The following OTOF variants were observed in gnomAD, a reference collection of about 807,000 sequenced individuals.
OTOF encodes otoferlin.
In OTOF, 218 loss-of-function variants were observed where a neutral mutation model predicts 236.8. The ratio of observed to expected loss-of-function variants is 0.92; its 90% CI spans 0.82 to 1.03. The LOEUF (loss-of-function observed/expected upper bound fraction) is 1.03. OTOF is among the 50% of genes least tolerant of loss of function. The pLI, the probability that OTOF is intolerant of heterozygous loss-of-function variation, is 0.00. For synonymous variants in OTOF, 1,041 were observed against 1,072.5 expected, an observed-to-expected ratio of 0.97 and a Z score of 0.57; for missense variants, 2,590 against 2,694.4, an observed-to-expected ratio of 0.96 and a Z score of 0.86.
chr2:26,476,327 G>T lies in OTOF; in HGVS notation c.2677-10C>A. On this transcript the variant is annotated splice_polypyrimidine_tract_variant and intron_variant, in intron 22 of 46. Transcript: ENST00000272371. The stretch of plus-strand genomic sequence containing the variant: ...CCCGCTTCCCTGGCAGCTGGGGGTG[G>T]GCATGGGGTCACCAGGAGCCTGACG... The T allele has an allele frequency of 6.2e-7, 1 of 1,600,662 alleles. No individual in the cohort carries two copies. The highest frequency in any genetic ancestry group is 8.5e-7 in the Non-Finnish European group (1 of 1,179,448).
intron 11 of OTOF, 59 bp downstream of exon 11, chr2:26,489,152 T>A: frequency 8.1e-7 from 1 of 1,239,348 alleles, no homozygotes; most frequent in South Asian, 1.3e-5. Flanking sequence ...AAGGGCCCCG[T>A]GCACCACGCT....
chr2:26,477,561 AT>A lies in OTOF; in HGVS notation c.2316-56del, dbSNP rs1432912414. 19 of 1,595,650 alleles carry A rather than the reference AT, an allele frequency of 1.2e-5. No individual in the cohort carries two copies. The highest frequency in any genetic ancestry group is 1.6e-5 in the Non-Finnish European group (19 of 1,169,342). On this transcript the variant is annotated intron_variant, in intron 19 of 46. Transcript: ENST00000272371. This position sits in a 1 kb window ranked among gnomAD's most constrained non-coding sequence, Gnocchi z 4.7. ...AGCCTGACCAGCAGGGGCTCTGTAGATTCTTCCTCATCTGCCCAGCCCTGGC... is the reference window on the plus strand; with the variant it reads ...AGCCTGACCAGCAGGGGCTCTGTAGATCTTCCTCATCTGCCCAGCCCTGGC...
chr2:26,494,461 C>T (rs765906321), intron 9 of OTOF, among the ~76,000 whole-genome samples: 2 of 152,250 alleles, frequency 1.3e-5, no homozygotes, highest in African/African-American at 2.4e-5. Context: ...TCAGAAGTCT[C>T]ACTGTCCCCT....
rs549034662 is a variant in OTOF, at chr2:26,461,555, G to A, written c.5533+141C>T. 235 of 1,179,634 alleles carry A rather than the reference G, an allele frequency of 2.0e-4. 1 individual carries two copies. The highest frequency in any genetic ancestry group is 1.4e-3 in the South Asian group (104 of 76,806). The allele number at this position is 1,179,634 out of a possible 1,614,324, so 73.1% of individuals were successfully genotyped here. Reference sequence around the variant, plus strand: ...GGTGGGTCCTTGGGGGCGGAACCCCGTCGGACACCCCTGGCTCTGATGGAC... The same window carrying A: ...GGTGGGTCCTTGGGGGCGGAACCCCATCGGACACCCCTGGCTCTGATGGAC... On this transcript the variant is annotated intron_variant, in intron 43 of 46. Transcript: ENST00000272371. This position sits in a 1 kb window ranked among gnomAD's most constrained non-coding sequence, Gnocchi z 6.2.
intron 1 of OTOF, among the ~76,000 whole-genome samples, chr2:26,538,933 C>T (rs1667143973): frequency 6.6e-6 from 1 of 151,880 alleles, no homozygotes; most frequent in Non-Finnish European, 1.5e-5. Context: ...CCTGCCTCAG[C>T]CTCCTGAGTA....
intron 35 of OTOF, 33 bp downstream of exon 35, chr2:26,467,066 G>T: frequency 6.2e-7 from 1 of 1,610,180 alleles, no homozygotes; most frequent in Non-Finnish European, 8.5e-7. Context: ...GGGCTGGCGG[G>T]TGCTCAGGCT....
intron 9 of OTOF, among the ~76,000 whole-genome samples, chr2:26,491,551 G>A (rs1486662332): frequency 6.6e-6 from 1 of 152,176 alleles, no homozygotes; most frequent in Non-Finnish European, 1.5e-5. Flanking sequence ...CAAAGACAGA[G>A]TTGGGCTGTG....
At chr2:26,546,853 T>C (rs942623722) in intron 1 of OTOF, among the ~76,000 whole-genome samples, 15 of 152,114 alleles carry the variant, frequency 9.9e-5, no homozygotes, top group African/African-American at 3.4e-4. Flanking sequence ...ATTAATCATA[T>C]ATCCTGAAAA....
chr2:26,468,887 C>T lies in OTOF; in HGVS notation c.4024-413G>A, dbSNP rs1293754487. On this transcript the variant is annotated intron_variant, in intron 32 of 46. Transcript: ENST00000272371. ...TGGACACAGGGAGGGGAACATCACACACCGGGGCCTGTGGTGGTGCTGGGG... is the reference window on the plus strand; with the variant it reads ...TGGACACAGGGAGGGGAACATCACATACCGGGGCCTGTGGTGGTGCTGGGG... Among the ~76,000 whole-genome samples the T allele has an allele frequency of 3.9e-5, 6 of 152,028 alleles. No individual in the cohort carries two copies. In the South Asian group the frequency reaches 6.2e-4, roughly 16 times the overall value.
chr2:26,483,875 T>C (rs1301509540), intron 12 of OTOF, among the ~76,000 whole-genome samples: 1 of 152,242 alleles, frequency 6.6e-6, no homozygotes, highest in South Asian at 2.1e-4. Context: ...GCTGTAATAA[T>C]ACCCACCTCC....
rs578007965 is a variant in OTOF at position 26,530,943 on chromosome 2, A to G, written c.139-3023T>C. Among the ~76,000 whole-genome samples the G allele has an allele frequency of 4.6e-5, 7 of 152,034 alleles. No homozygotes were observed. The East Asian group carries it at 1.4e-3, about 29-fold the overall frequency. ...GACTCAGGGTCTGGGACTGGGGGTT[A>G]CTCCCATTTGGCCTCCCTGGAAGTA... On this transcript the variant is annotated intron_variant, in intron 2 of 46. Transcript: ENST00000272371.
intron 12 of OTOF, 80 bp downstream of exon 12, chr2:26,484,393 CT>C: frequency 2.7e-6 from 4 of 1,503,748 alleles, no homozygotes; most frequent in Admixed American, 1.7e-5. Flanking sequence ...GGCAGGTGCT[CT>C]CAGCAAACCC....
At chr2:26,458,310 G>C in intron 46 of OTOF, 90 bp from the exon 47 acceptor site, 1 of 1,330,566 alleles carries the variant, frequency 7.5e-7, no homozygotes, top group Non-Finnish European at 1.1e-6. Flanking sequence ...ACCCCCAAAA[G>C]CCCTGCCATG....
chr2:26,535,045 G>A (rs1209728689), intron 2 of OTOF, among the ~76,000 whole-genome samples: 3 of 152,226 alleles, frequency 2.0e-5, no homozygotes, highest in African/African-American at 7.2e-5. Flanking sequence ...CCAGGCCTCC[G>A]GGCCGTTCCT....
At position 26,477,875 on chromosome 2, in the gene OTOF, C is replaced by A. The variant is rs995661904; in HGVS notation, c.2215-126G>T. ...ATCTGGGAGCTCTCGCTAGGGCCAT[C>A]CTGAGTATCGGTCATCATGAGGAAG... On this transcript the variant is annotated intron_variant, in intron 18 of 46. Coordinates refer to ENST00000272371, the MANE Select transcript of OTOF (RefSeq NM_194248.3). The surrounding 1 kb of genome is among the most constrained non-coding windows in gnomAD (Gnocchi z 4.7). 1.3e-6 allele frequency: 2 copies of A among 1,550,854 alleles called. No individual in the cohort carries two copies. Among genetic ancestry groups the A allele is most frequent in the Middle Eastern group, 1.7e-4 (1 of 5,990 alleles).
At position 26,474,101 on chromosome 2, in the gene OTOF, C is replaced by A. The variant is rs1285406256; in HGVS notation, c.3298G>T (p.Ala1100Ser). 1.2e-6 allele frequency: 2 copies of A among 1,612,814 alleles called. No homozygotes were observed. Among genetic ancestry groups the A allele is most frequent in the Non-Finnish European group, 8.5e-7 (1 of 1,179,866 alleles). The change falls in exon 27 of 47, where the codon GCA (alanine) becomes TCA (serine). Residue 1100 changes from alanine (A) to serine (S), a missense_variant. Physicochemically the swap from Ala to Ser is moderately conservative, Grantham distance 99. Transcript: ENST00000272371. ...ATGGGGGGCAGGTCAGCCTTCCCTG[C>A]TGGTCCAATCTGGGGAATGGGGGTC... ...AAFELLQIGP[A>S]GKADLPPING...
At chr2:26,539,774 C>T (rs1001544397) in intron 1 of OTOF, among the ~76,000 whole-genome samples, 9 of 152,102 alleles carry the variant, frequency 5.9e-5, no homozygotes, top group African/African-American at 2.2e-4. Flanking sequence ...AAGTGGTTAT[C>T]CCTGGGGAGG....
rs140216481 is a variant in OTOF at position 26,523,651 on chromosome 2, C to A, written c.227+4181G>T. ...GGCTCTCCCACCTTGTATACCTACCCTCTGCCTCCTAACACCACAGGGGCA... is the reference window on the plus strand; with the variant it reads ...GGCTCTCCCACCTTGTATACCTACCATCTGCCTCCTAACACCACAGGGGCA... On this transcript the variant is annotated intron_variant, in intron 3 of 46. Coordinates refer to ENST00000272371, the MANE Select transcript of OTOF (RefSeq NM_194248.3). 1.6e-4 allele frequency among the ~76,000 whole-genome samples: 25 copies of A among 152,374 alleles called. No homozygotes were observed. In the East Asian group the frequency reaches 4.6e-3, roughly 28 times the overall value.
At chr2:26,547,722 G>A (rs955262258) in intron 1 of OTOF, among the ~76,000 whole-genome samples, 3 of 152,154 alleles carry the variant, frequency 2.0e-5, no homozygotes, top group Admixed American at 1.3e-4. Context: ...TGTAGTCTCA[G>A]CTGCTCTACT....
Sources: gnomAD v4.1 joint callset for allele counts (sites outside exome capture counted in the v4.1 genomes callset) on GRCh38, gnomAD v4.1.1 for gene constraint, Gnocchi (gnomAD v3.1) non-coding constraint, MANE v1.5 for transcripts, NCBI Gene and HGNC (gene_info 2026-07-23, HGNC 2026-07-21) for gene names.